The following TBC1D14 variants were observed in gnomAD, a reference collection of about 807,000 sequenced individuals.
The protein encoded by TBC1D14 is TBC1 domain family member 14, also known as TBC1 domain family, member 14.
In TBC1D14, 26 loss-of-function variants were observed where a neutral mutation model predicts 79.0. The ratio of observed to expected loss-of-function variants is 0.33; its 90% CI spans 0.24 to 0.46. The LOEUF (loss-of-function observed/expected upper bound fraction) is 0.46, where lower values mean the gene tolerates loss of function less well. TBC1D14 is among the 20% of genes least tolerant of loss of function. The probability of loss-of-function intolerance (pLI) is 1.00; values close to 1 mark genes in which losing one functional copy is unlikely to be tolerated. For synonymous variants in TBC1D14, 394 were observed against 349.9 expected, an observed-to-expected ratio of 1.13 and a Z score of -1.40; for missense variants, 769 against 887.6, an observed-to-expected ratio of 0.87 and a Z score of 1.70.
At position 7,004,912 on chromosome 4, in the gene TBC1D14, G is replaced by T; in HGVS notation, c.1339G>T (p.Val447Leu). ...GTCCCTTAGCACAGGAGGCTCTGAA[G>T]TGGAGAACGAAGGTAGAATGTCTTC... ...WRSLSTGGSE[V>L]ENEDAGFSAA... The change falls in exon 8 of 14, where the codon GTG becomes TTG. Residue 447 changes from valine to leucine, a missense_variant. Val to Leu is a conservative substitution (Grantham distance 32). Around this residue, in one of 2 missense-constraint regions of TBC1D14, gnomAD observed 367 missense variants for 494.4 expected, o/e 0.74. Coordinates refer to ENST00000409757, the MANE Select transcript of TBC1D14 (RefSeq NM_020773.3). 1 of 1,614,168 alleles carries T rather than the reference G, an allele frequency of 6.2e-7. No individual in the cohort carries two copies. Among genetic ancestry groups the T allele is most frequent in the Non-Finnish European group, 8.5e-7 (1 of 1,180,004 alleles).
chr4:6,966,542 T>C (rs1313500901), intron 2 of TBC1D14, among the ~76,000 whole-genome samples: 1 of 152,224 alleles, frequency 6.6e-6, no homozygotes, highest in Admixed American at 6.5e-5. Flanking sequence ...CAGCTGTTAC[T>C]CTTTAACACT....
At position 6,967,333 on chromosome 4, in the gene TBC1D14, G is replaced by T; in HGVS notation, c.752G>T (p.Arg251Met). ...TTGCTTGCTAGAAAACAAAGTGCAA[G>T]GCTTGACAAACACAATGACTTGGGA... ...RNLLARKQSA[R>M]LDKHNDLGWK... Residue 251 changes from arginine (R) to methionine (M), a missense_variant, in exon 3 of 14, where the codon AGG (arginine) becomes ATG (methionine). Around this residue, in one of 2 missense-constraint regions of TBC1D14, gnomAD observed 402 missense variants for 393.2 expected, o/e 1.02. Transcript: ENST00000409757. 6.2e-7 allele frequency: 1 copy of T among 1,614,028 alleles called. No homozygotes were observed. The highest frequency in any genetic ancestry group is 8.5e-7 in the Non-Finnish European group (1 of 1,180,000).
chr4:6,967,466 GT>G, intron 3 of TBC1D14, 42 bp downstream of exon 3: 1 of 1,600,722 alleles, frequency 6.2e-7, no homozygotes, highest in Non-Finnish European at 8.5e-7. Flanking sequence ...TGTTGGATGT[GT>G]TTAGCATATA....
intron 5 of TBC1D14, 143 bp downstream of exon 5, chr4:6,996,550 G>A (rs1577142025): frequency 1.3e-5 from 8 of 595,098 alleles, no homozygotes; most frequent in Non-Finnish European, 2.3e-5. Context: ...AAAAAAAAAA[G>A]ATGCATGCGG....
chr4:6,987,205 T>G (rs1717933439), intron 3 of TBC1D14: 1 of 1,230,778 alleles, frequency 8.1e-7, no homozygotes, highest in Non-Finnish European at 1.0e-6. Flanking sequence ...TTGAGCGGCC[T>G]GCCGCCCCGC....
intron 12 of TBC1D14, among the ~76,000 whole-genome samples, chr4:7,021,303 A>G (rs886832581): frequency 2.6e-5 from 4 of 152,228 alleles, no homozygotes; most frequent in Non-Finnish European, 5.9e-5. Flanking sequence ...CGACATAGAA[A>G]TATATCATTT....
At chr4:6,952,173 A>G (rs1216642000) in intron 2 of TBC1D14, among the ~76,000 whole-genome samples, 5 of 152,198 alleles carry the variant, frequency 3.3e-5, no homozygotes, top group African/African-American at 1.2e-4. Flanking sequence ...GGCCGTTCAG[A>G]ACAGTGGTTC....
chr4:6,958,429 CTTTA>C (rs1224273020), intron 2 of TBC1D14, among the ~76,000 whole-genome samples: 5 of 142,060 alleles, frequency 3.5e-5, no homozygotes, highest in East Asian at 2.0e-4. Flanking sequence ...TCTTTTTATG[CTTTA>C]TTTATTTTTT....
intron 3 of TBC1D14, among the ~76,000 whole-genome samples, chr4:6,978,275 A>G (rs1389252664): frequency 4.3e-4 from 63 of 147,480 alleles, no homozygotes; most frequent in African/African-American, 1.6e-3. Context: ...CCATGATGAC[A>G]ATGGCGGTTT....
chr4:6,934,631 A>G, intron 2 of TBC1D14, among the ~76,000 whole-genome samples: 1 of 151,672 alleles, frequency 6.6e-6, no homozygotes, highest in Non-Finnish European at 1.5e-5. Context: ...ACACTCCAGC[A>G]TGGGCGACAG....
chr4:6,938,002 G>C (rs1712514159), intron 2 of TBC1D14, among the ~76,000 whole-genome samples: 1 of 152,140 alleles, frequency 6.6e-6, no homozygotes, highest in African/African-American at 2.4e-5. Flanking sequence ...AGGAGTGTTG[G>C]AGAAAGGAAG....
At position 6,947,146 on chromosome 4, in the gene TBC1D14, A is replaced by C. The variant is rs537869542; in HGVS notation, c.723-20158A>C. On this transcript the variant is annotated intron_variant, in intron 2 of 13. Transcript: ENST00000409757. ...GAGGCCGAGGCGGGCGGATCACTTGAGTTCAGGAGTTCAAGACCAGCCTGG... is the reference window on the plus strand; with the variant it reads ...GAGGCCGAGGCGGGCGGATCACTTGCGTTCAGGAGTTCAAGACCAGCCTGG... Among the ~76,000 whole-genome samples the C allele has an allele frequency of 4.0e-5, 6 of 150,746 alleles. No individual in the cohort carries two copies. In the East Asian group the frequency reaches 1.2e-3, roughly 29 times the overall value.
intron 2 of TBC1D14, among the ~76,000 whole-genome samples, chr4:6,944,590 G>C (rs374400511): frequency 3.9e-5 from 6 of 152,354 alleles, no homozygotes; most frequent in African/African-American, 1.4e-4. Context: ...CCCAGCCTCT[G>C]TTTTACAAAC....
At chr4:6,950,291 A>G (rs1396911808) in intron 2 of TBC1D14, among the ~76,000 whole-genome samples, 1 of 152,210 alleles carries the variant, frequency 6.6e-6, no homozygotes, top group Non-Finnish European at 1.5e-5. Context: ...AGGCCTTGCT[A>G]ACTTCGGTTA....
rs116058029 is a variant in TBC1D14 at position 6,945,394 on chromosome 4, C to T, written c.722+21283C>T. 7.6e-3 allele frequency among the ~76,000 whole-genome samples: 1,159 copies of T among 152,222 alleles called. 19 individuals carry two copies. Among genetic ancestry groups the T allele is most frequent in the African/African-American group, 0.026 (1,090 of 41,532 alleles). On this transcript the variant is annotated intron_variant, in intron 2 of 13. Coordinates refer to ENST00000409757, the MANE Select transcript of TBC1D14 (RefSeq NM_020773.3). ...ATGTTGGCGTAGCTTGAAAAAAAATCTGAAATAATTCACTGTCCACGGAAA... is the reference window on the plus strand; with the variant it reads ...ATGTTGGCGTAGCTTGAAAAAAAATTTGAAATAATTCACTGTCCACGGAAA...
rs1714389627 is a variant in TBC1D14, at chr4:6,954,171, C to T, written c.723-13133C>T. The stretch of plus-strand genomic sequence containing the variant: ...CCAGCTTGCCTTCATCTGGCAGACG[C>T]GAGGGGCGGGGCTCCGAGTGCACCC... On this transcript the variant is annotated intron_variant, in intron 2 of 13. Transcript: ENST00000409757. 24 of 644,556 alleles carry T rather than the reference C, an allele frequency of 3.7e-5. No individual in the cohort carries two copies. In the South Asian group the frequency reaches 3.9e-4, roughly 11 times the overall value. The allele number at this position is 644,556 out of a possible 1,614,324, so 39.9% of individuals were successfully genotyped here.
At chr4:6,977,201 G>A (rs1397020296) in intron 3 of TBC1D14, among the ~76,000 whole-genome samples, 35 of 140,112 alleles carry the variant, frequency 2.5e-4, no homozygotes, top group African/African-American at 7.3e-4. Flanking sequence ...CTGCCATCTC[G>A]GCTCACTGCA....
In TBC1D14 at chr4:6,967,329, G is replaced by A. The variant is rs1212302596; in HGVS notation, c.748G>A (p.Ala250Thr). 7 of 1,614,058 alleles carry A rather than the reference G, an allele frequency of 4.3e-6. No homozygotes were observed. Among genetic ancestry groups the A allele is most frequent in the Non-Finnish European group, 5.1e-6 (6 of 1,180,006 alleles). The change falls in exon 3 of 14, where the codon GCA becomes ACA. Residue 250 changes from alanine to threonine, a missense_variant. By Grantham distance (58) the Ala-to-Thr change is moderately conservative (BLOSUM62 0). Coordinates refer to ENST00000409757, the MANE Select transcript of TBC1D14 (RefSeq NM_020773.3). ...ARNLLARKQS[A>T]RLDKHNDLGW... The stretch of plus-strand genomic sequence containing the variant: ...GAACTTGCTTGCTAGAAAACAAAGT[G>A]CAAGGCTTGACAAACACAATGACTT...
At chr4:7,007,534 T>C (rs1400781540) in intron 9 of TBC1D14, 1 of 1,289,358 alleles carries the variant, frequency 7.8e-7, no homozygotes, top group South Asian at 1.2e-5. Context: ...GTTCTCATCT[T>C]TGTGGATTTC....
Sources: gnomAD v4.1 joint callset for allele counts (sites outside exome capture counted in the v4.1 genomes callset) on GRCh38, gnomAD v4.1.1 for gene constraint, gnomAD v4.1.1 regional missense constraint, MANE v1.5 for transcripts, NCBI Gene and HGNC (gene_info 2026-07-23, HGNC 2026-07-21) for gene names.